STXBP2: variants seen among roughly 807,000 people sequenced by gnomAD.
The protein encoded by STXBP2 is syntaxin-binding protein 2.
STXBP2 carries 47 observed loss-of-function variants against 72.2 expected under a neutral mutation model. The ratio of observed to expected loss-of-function variants is 0.65; its 90% confidence interval spans 0.51 to 0.83. STXBP2 has a LOEUF of 0.83. Ranked by LOEUF, STXBP2 falls within the 40% of genes least tolerant of loss-of-function variation. STXBP2 has a pLI of 0.00. For missense variants in STXBP2, 702 were observed against 807.6 expected, an observed-to-expected ratio of 0.87 and a Z score of 1.58; for synonymous variants, 367 against 338.7, an observed-to-expected ratio of 1.08 and a Z score of -0.92.
At chr19:7,630,681 G>A in the STXBP2 span, 2 of 1,535,406 alleles carry the variant, frequency 1.3e-6, no homozygotes, top group South Asian at 2.4e-5. Context: ...AGGAGTGTTT[G>A]AGGGTTCATT....
Position 7,640,794 on chromosome 19 carries a change from ATCT to A in STXBP2, c.316_318del (p.Phe106del), listed in dbSNP as rs1191561924. 1 of 1,614,152 alleles carries A rather than the reference ATCT, an allele frequency of 6.2e-7. No individual in the cohort carries two copies. Among genetic ancestry groups the A allele is most frequent in the Admixed American group, 1.7e-5 (1 of 60,036 alleles). ...GACTTTCACCTACAAAGCGGCCCAT[ATCT>A]TCTTCACCGACAGTGAGTGAGGAGA... is the stretch of plus-strand genomic sequence containing the variant. On this transcript the variant is annotated inframe_deletion, in exon 5 of 19. Transcript: ENST00000221283.
chr19:7,633,040 G>A (rs566949988), upstream of STXBP2: 516 of 1,417,950 alleles, frequency 3.6e-4, 4 homozygotes, highest in South Asian at 7.1e-3. Context: ...CAGGGGCCCT[G>A]GCCAGCAGTG....
upstream of STXBP2, among the ~76,000 whole-genome samples, chr19:7,635,418 G>C (rs794087): frequency 0.015 from 2,333 of 152,310 alleles, 37 homozygotes; most frequent in African/African-American, 0.042. Flanking sequence ...GAAGGGGCAG[G>C]GTGCGGTGGC....
rs1234333766 is a variant in STXBP2, at chr19:7,643,197, T to C, written c.1059T>C (p.Cys353=). The C allele has an allele frequency of 2.5e-6, 4 of 1,613,990 alleles. No individual in the cohort carries two copies. In the African/African-American group the frequency reaches 4.0e-5, roughly 16 times the overall value. Residue 353 remains cysteine, a synonymous_variant, in exon 13 of 19, where the codon TGT becomes TGC. Transcript: ENST00000221283. ...YSTHLHLADD[C]MKHFKGSVEK... is the part of the protein sequence containing the mutation. ...CGCACCTGCATCTAGCAGATGATTG[T>C]ATGAAGCACTTCAAGGGCTCGGTGG...
At chr19:7,630,031 G>C in the STXBP2 span, 1 of 825,624 alleles carries the variant, frequency 1.2e-6, no homozygotes, top group Non-Finnish European at 1.8e-6. Context: ...ACGCTGGGCT[G>C]GGGGGGTTCT....
In STXBP2 at chr19:7,637,148, A is replaced by G; in HGVS notation, c.-2A>G. On this transcript the variant is annotated 5_prime_UTR_variant, in exon 1 of 19. Coordinates refer to ENST00000221283, the MANE Select transcript of STXBP2 (RefSeq NM_006949.4). ...AAGCGGCGGCGGCGCCCCTCGGGGAAGATGGCGCCCTCGGGGCTGAAGGCG... is the reference window on the plus strand; with the variant it reads ...AAGCGGCGGCGGCGCCCCTCGGGGAGGATGGCGCCCTCGGGGCTGAAGGCG... The G allele has an allele frequency of 2.4e-6, 3 of 1,241,186 alleles. No homozygotes were observed. Among genetic ancestry groups the G allele is most frequent in the Middle Eastern group, 2.5e-4 (1 of 4,048 alleles). The allele number at this position is 1,241,186 out of a possible 1,614,324, so 76.9% of individuals were successfully genotyped here.
chr19:7,645,079 TC>T, intron 14 of STXBP2, 117 bp from the exon 15 acceptor site: 1 of 1,459,896 alleles, frequency 6.8e-7, no homozygotes. Flanking sequence ...ACTGAGGCCC[TC>T]CCCACTGCAA....
chr19:7,642,677 C>A lies in STXBP2; in HGVS notation c.903-89C>A. The A allele has an allele frequency of 6.7e-7, 1 of 1,484,768 alleles. No homozygotes were observed. Among genetic ancestry groups the A allele is most frequent in the Non-Finnish European group, 9.3e-7 (1 of 1,070,032 alleles). 92.0% of individuals were successfully genotyped at this position (1,484,768 alleles called of 1,614,324 possible). A position where few individuals can be genotyped will look rare whatever the true frequency, so the allele number is the denominator to read the frequency against. On this transcript the variant is annotated intron_variant, in intron 10 of 18. Transcript: ENST00000221283. The surrounding 1 kb of genome is among the most constrained non-coding windows in gnomAD (Gnocchi z 6.0). ...CTCCAGACTGGCCTCCAATTTCACC[C>A]CACCTCTCCCTGTCCCCCCTGAGTG...
At position 7,647,867 on chromosome 19, in the gene STXBP2, T is replaced by C. The variant is rs2032201858; in HGVS notation, c.*57T>C. ...CAGAGAAATAAACTCTTCCCGTCGC[T>C]CTGCCAGCCAGTGCCTACCTCACCT... On this transcript the variant is annotated 3_prime_UTR_variant, in exon 19 of 19. Coordinates refer to ENST00000221283, the MANE Select transcript of STXBP2 (RefSeq NM_006949.4). The C allele has an allele frequency of 1.3e-6, 2 of 1,490,700 alleles. No individual in the cohort carries two copies. Among genetic ancestry groups the C allele is most frequent in the African/African-American group, 2.8e-5 (2 of 70,962 alleles). The allele number at this position is 1,490,700 out of a possible 1,614,324, so 92.3% of individuals were successfully genotyped here.
chr19:7,647,224 G>A lies in STXBP2; in HGVS notation c.1515G>A (p.Thr505=), dbSNP rs369399945. 5.0e-6 allele frequency: 8 copies of A among 1,611,460 alleles called. No individual in the cohort carries two copies. In the East Asian group the frequency reaches 6.7e-5, roughly 13 times the overall value. The change falls in exon 17 of 19, where the codon ACG becomes ACA. Residue 505 remains threonine, a synonymous_variant. Transcript: ENST00000221283. ...LWPFVSDPAP[T]ASSQAAVSAR... ...CCTTCGTATCCGACCCCGCCCCCAC[G>A]GCCAGCTCCCAGGCCGCTGTCAGGT...
At chr19:7,631,399 C>CGGA in the STXBP2 span, 4 of 583,180 alleles carry the variant, frequency 6.9e-6, no homozygotes, top group African/African-American at 1.5e-4. Context: ...GAGAGGTGGG[C>CGGA]GGGGGGGGGT....
chr19:7,641,981 C>T, intron 7 of STXBP2, 53 bp from the exon 8 acceptor site: 1 of 1,611,128 alleles, frequency 6.2e-7, no homozygotes, highest in Non-Finnish European at 8.5e-7. Context: ...CCTTCAAACC[C>T]ATCCTTGACC....
At chr19:7,638,686 G>A in intron 1 of STXBP2, 40 bp from the exon 2 acceptor site, 1 of 1,612,526 alleles carries the variant, frequency 6.2e-7, no homozygotes. Context: ...GGTGGGACCA[G>A]AGAACCAGCA....
rs763651051 is a variant in STXBP2 at position 7,647,462 on chromosome 19, C to T, written c.1647C>T (p.Ala549=). The change falls in exon 18 of 19, where the codon GCC becomes GCT. Residue 549 remains alanine, a synonymous_variant. Coordinates refer to ENST00000221283, the MANE Select transcript of STXBP2 (RefSeq NM_006949.4). ...GTGTGGCCATGTCAGAGATGAGGGC[C>T]GCCTACGAGGTGACCAGGGCCACCG... ...MGGVAMSEMR[A]AYEVTRATEG... 20 of 1,611,950 alleles carry T rather than the reference C, an allele frequency of 1.2e-5. No individual in the cohort carries two copies. In the African/African-American group the frequency reaches 1.3e-4, roughly 11 times the overall value.
chr19:7,643,058 G>T lies in STXBP2; in HGVS notation c.1026+10G>T. ...GAAGGAGCTGAATAAGGTGTGCTCG[G>T]GTGGGCAGGGAGCGGGGACACCTCG... On this transcript the variant is annotated intron_variant, in intron 12 of 18. Transcript: ENST00000221283. The T allele has an allele frequency of 6.2e-7, 1 of 1,614,178 alleles. No homozygotes were observed. Among genetic ancestry groups the T allele is most frequent in the Non-Finnish European group, 8.5e-7 (1 of 1,180,036 alleles).
intron 18 of STXBP2, 88 bp from the exon 19 acceptor site, chr19:7,647,636 GA>G: frequency 6.3e-7 from 1 of 1,599,522 alleles, no homozygotes; most frequent in Non-Finnish European, 8.6e-7. Context: ...GAGGGACAGG[GA>G]CAGCCCCACA....
chr19:7,633,437 C>T, upstream of STXBP2: 2 of 1,577,410 alleles, frequency 1.3e-6, no homozygotes, highest in Non-Finnish European at 1.7e-6. Context: ...CTTCCTCCGT[C>T]TTCTCCTCCT....
rs1215057903 is a variant in STXBP2, at chr19:7,642,604, C to A, written c.902+68C>A. 2 of 1,583,366 alleles carry A rather than the reference C, an allele frequency of 1.3e-6. No individual in the cohort carries two copies. The highest frequency in any genetic ancestry group is 1.3e-5 in the African/African-American group (1 of 74,256). ...GTGGGCCTGGTAGCGGCCTTGGGATCCCTGGCTGCTGCCAAGTCTTTGGCC... is the reference window on the plus strand; with the variant it reads ...GTGGGCCTGGTAGCGGCCTTGGGATACCTGGCTGCTGCCAAGTCTTTGGCC... On this transcript the variant is annotated intron_variant, in intron 10 of 18. Coordinates refer to ENST00000221283, the MANE Select transcript of STXBP2 (RefSeq NM_006949.4). The surrounding 1 kb of genome is among the most constrained non-coding windows in gnomAD (Gnocchi z 6.0).
Position 7,641,756 on chromosome 19 carries a change from C to T in STXBP2, c.481C>T (p.Arg161Trp), listed in dbSNP as rs1274431087. 5.8e-6 allele frequency: 9 copies of T among 1,552,676 alleles called. No individual in the cohort carries two copies. The highest frequency in any genetic ancestry group is 2.7e-5 in the African/African-American group (2 of 73,138). The change falls in exon 7 of 19, where the codon CGG (arginine) becomes TGG (tryptophan). Residue 161 changes from arginine to tryptophan, a missense_variant. By Grantham distance (101) the Arg-to-Trp change is moderately radical. Transcript: ENST00000221283. ...HSTYNLYCPF[R>W]AEERTRQLEV... The stretch of plus-strand genomic sequence containing the variant: ...CACCTACAACCTCTACTGCCCCTTC[C>T]GGGCAGAGGAGCGCACGCGGCAGCT...
Sources: allele counts gnomAD v4.1 joint callset (sites outside exome capture counted in the v4.1 genomes callset), GRCh38; gene constraint gnomAD v4.1.1; non-coding constraint Gnocchi (gnomAD v3.1); transcripts MANE v1.5; gene names NCBI Gene and HGNC (gene_info 2026-07-23, HGNC 2026-07-21).